Variants in NHSL1 observed in about 807,000 individuals in gnomAD.
NHSL1 encodes NHS like 1, also known as NHS-like protein 1.
Under a neutral mutation model 95.0 loss-of-function variants are expected in NHSL1, and 48 were observed. The observed-to-expected ratio is 0.51, with a 90% CI of 0.40 to 0.64. NHSL1 has a LOEUF of 0.64. Among genes scored for constraint, NHSL1 ranks in the 30% least tolerant of loss-of-function variants. The pLI is 0.00. For missense variants in NHSL1, 1,971 were observed against 2,077.7 expected (o/e 0.95, Z 1.00); for synonymous variants, 783 against 833.9 (o/e 0.94, Z 1.05).
chr6:138,635,596 AAAG>A (rs762997632), intron 1 of NHSL1, among the ~76,000 whole-genome samples: 3 of 152,216 alleles, frequency 2.0e-5, no homozygotes, highest in Non-Finnish European at 2.9e-5. Flanking sequence ...CCAAACATTT[AAAG>A]AAGAACTAAT....
At chr6:138,562,906 A>C (rs1409018000) in intron 1 of NHSL1, among the ~76,000 whole-genome samples, 3 of 152,202 alleles carry the variant, frequency 2.0e-5, no homozygotes, top group Admixed American at 2.0e-4. Context: ...TGCAAAGTGC[A>C]AAGCACTTGA....
rs1261895892 is a variant in NHSL1 at position 138,424,081 on chromosome 6, C to G, written c.4821G>C (p.Ter1607TyrextTer9). Residue 1607 changes from the stop codon to tyrosine (Y), a stop_lost, in exon 8 of 8, where the codon TAG becomes TAC. Transcript: ENST00000343505. This position sits in a 1 kb window ranked among gnomAD's most constrained non-coding sequence, Gnocchi z 5.9. ...ACCTGGGAGAGTTACGTTCTTGGCCCTAACTCTCCTCGCTCAGAGAACCGC... is the reference window on the plus strand; with the variant it reads ...ACCTGGGAGAGTTACGTTCTTGGCCGTAACTCTCCTCGCTCAGAGAACCGC... ...QCGGSLSEES[*>Y] The G allele has an allele frequency of 2.9e-6, 4 of 1,384,824 alleles. No homozygotes were observed. The highest frequency in any genetic ancestry group is 3.7e-6 in the Non-Finnish European group (4 of 1,071,454). The allele number at this position is 1,384,824 out of a possible 1,614,324, so 85.8% of individuals were successfully genotyped here.
At chr6:138,568,971 C>T (rs933575691) in intron 1 of NHSL1, among the ~76,000 whole-genome samples, 1 of 152,130 alleles carries the variant, frequency 6.6e-6, no homozygotes, top group Non-Finnish European at 1.5e-5. Flanking sequence ...CCTTCTGTTT[C>T]AGAAATTGAA....
chr6:138,606,155 C>T (rs1474189172), intron 1 of NHSL1, among the ~76,000 whole-genome samples: 1 of 152,124 alleles, frequency 6.6e-6, no homozygotes, highest in African/African-American at 2.4e-5. Context: ...GAATGACAAG[C>T]CACCCACAAA....
chr6:138,658,168 G>A lies in NHSL1; in HGVS notation c.96+34308C>T, dbSNP rs145790760. Among the ~76,000 whole-genome samples, 341 of 152,074 alleles carry A rather than the reference G, an allele frequency of 2.2e-3. 1 individual carries two copies. The highest frequency in any genetic ancestry group is 7.6e-3 in the African/African-American group (317 of 41,480). ...CCCTCAGCTTTACTGAGGTATAATT[G>A]ACAAATAAAAATTGTATATATTTAA... On this transcript the variant is annotated intron_variant, in intron 1 of 3. Coordinates refer to the NHSL1 transcript ENST00000491526.
At chr6:138,469,966 G>A (rs957452676) in intron 3 of NHSL1, among the ~76,000 whole-genome samples, 12 of 152,094 alleles carry the variant, frequency 7.9e-5, no homozygotes, top group African/African-American at 2.9e-4. Context: ...AAAGAAGGGA[G>A]TGGGGGAGGC....
At chr6:138,565,486 G>A (rs982237123) in intron 1 of NHSL1, among the ~76,000 whole-genome samples, 4 of 152,164 alleles carry the variant, frequency 2.6e-5, no homozygotes, top group African/African-American at 7.2e-5. Context: ...AGTGGAGAAA[G>A]CAAGAGAGGA....
intron 1 of NHSL1, among the ~76,000 whole-genome samples, chr6:138,652,522 A>G (rs569285802): frequency 6.6e-6 from 1 of 152,278 alleles, no homozygotes; most frequent in African/African-American, 2.4e-5. Flanking sequence ...TTTAAAATCT[A>G]GAAAATCATG....
At chr6:138,455,395 T>C (rs1777516235) in intron 3 of NHSL1, among the ~76,000 whole-genome samples, 1 of 152,008 alleles carries the variant, frequency 6.6e-6, no homozygotes, top group African/African-American at 2.4e-5. Flanking sequence ...TGAGGAGGAA[T>C]TGAGGTAACT....
At chr6:138,556,885 G>T (rs1391072244) in intron 1 of NHSL1, among the ~76,000 whole-genome samples, 1 of 152,070 alleles carries the variant, frequency 6.6e-6, no homozygotes, top group Non-Finnish European at 1.5e-5. Context: ...AAATCTGGGG[G>T]ATGCAATTTC....
chr6:138,657,741 G>T (rs1220795086), intron 1 of NHSL1, among the ~76,000 whole-genome samples: 1 of 149,516 alleles, frequency 6.7e-6, no homozygotes, highest in Non-Finnish European at 1.5e-5. Flanking sequence ...TGTGAACCCG[G>T]GAGGCAGAGC....
rs1225019773 is a variant in NHSL1 at position 138,639,641 on chromosome 6, CA to C, written c.96+52834del. Among the ~76,000 whole-genome samples the C allele has an allele frequency of 1.7e-3, 199 of 116,174 alleles. 1 individual carries two copies. Among genetic ancestry groups the C allele is most frequent in the East Asian group, 9.4e-3 (39 of 4,158 alleles). 76.2% of individuals were successfully genotyped at this position (116,174 alleles called of 152,430 possible). A position where few individuals can be genotyped will look rare whatever the true frequency, so the allele number is the denominator to read the frequency against. On this transcript the variant is annotated intron_variant, in intron 1 of 3. Coordinates refer to the NHSL1 transcript ENST00000491526. ...TGGGCAACAGAGTGAGACTCCGTCT[CA>C]AAAAAAAAAAAAAATTAGCTGGGCG...
At chr6:138,523,495 G>C (rs1649443379) in intron 1 of NHSL1, among the ~76,000 whole-genome samples, 1 of 151,762 alleles carries the variant, frequency 6.6e-6, no homozygotes, top group Admixed American at 6.6e-5. Context: ...TTTTTGTCGA[G>C]ACAGGGTCTC....
rs747396126 is a variant in NHSL1 at position 138,432,627 on chromosome 6, G to A, written c.1718C>T (p.Pro573Leu). The A allele has an allele frequency of 1.7e-5, 27 of 1,551,622 alleles. No homozygotes were observed. The highest frequency in any genetic ancestry group is 2.2e-5 in the Non-Finnish European group (25 of 1,146,958). ...ASPLKPHLAT[P>L]GYSTPTSNMS... is the part of the protein sequence containing the mutation. The stretch of plus-strand genomic sequence containing the variant: ...GTTACTTGTGGGAGTGGAATAGCCA[G>A]GAGTTGCTAAATGCGGCTTCAGGGG... The change falls in exon 6 of 8, where the codon CCT (proline) becomes CTT (leucine). Residue 573 changes from proline (P) to leucine (L), a missense_variant. Pro to Leu is a moderately conservative substitution (Grantham distance 98). Around this residue, in one of 3 missense-constraint regions of NHSL1, gnomAD observed 1,602 missense variants for 1,654.5 expected, o/e 0.97. Coordinates refer to ENST00000343505, the MANE Select transcript of NHSL1 (RefSeq NM_001144060.2). The surrounding 1 kb of genome is among the most constrained non-coding windows in gnomAD (Gnocchi z 4.4).
chr6:138,583,019 G>A (rs560078378), intron 1 of NHSL1, among the ~76,000 whole-genome samples: 8 of 152,268 alleles, frequency 5.3e-5, no homozygotes, highest in South Asian at 2.1e-4. Context: ...GGCTGAACTC[G>A]GCTGAAGGTG....
At chr6:138,674,065 T>A (rs1347076696) in intron 1 of NHSL1, among the ~76,000 whole-genome samples, 1 of 152,184 alleles carries the variant, frequency 6.6e-6, no homozygotes, top group Non-Finnish European at 1.5e-5. Context: ...AACTAAGGTA[T>A]GGTATTCAAA....
chr6:138,525,178 C>A lies in NHSL1; in HGVS notation c.16+20445G>T, dbSNP rs553325639. Among the ~76,000 whole-genome samples the A allele has an allele frequency of 2.0e-5, 3 of 152,194 alleles. No individual in the cohort carries two copies. In the South Asian group the frequency reaches 6.2e-4, roughly 32 times the overall value. On this transcript the variant is annotated intron_variant, in intron 1 of 4. Coordinates refer to the NHSL1 transcript ENST00000342260. ...CACTAGTTGAGCTCTAAGTTCGATT[C>A]TGGGTGCAATATTGTGTCATACAGA...
chr6:138,531,870 A>T (rs953704994), intron 1 of NHSL1, among the ~76,000 whole-genome samples: 5 of 151,990 alleles, frequency 3.3e-5, no homozygotes, highest in African/African-American at 9.7e-5. Flanking sequence ...TATATCTTAA[A>T]TTTTTTTCAA....
chr6:138,588,003 G>A (rs1784163275), intron 1 of NHSL1, among the ~76,000 whole-genome samples: 1 of 152,276 alleles, frequency 6.6e-6, no homozygotes, highest in Non-Finnish European at 1.5e-5. Context: ...AAGGTCATGT[G>A]CTAGTGGTGA....
Sources: gnomAD v4.1 joint callset for allele counts (sites outside exome capture counted in the v4.1 genomes callset) on GRCh38, gnomAD v4.1.1 for gene constraint, gnomAD v4.1.1 regional missense constraint, Gnocchi (gnomAD v3.1) non-coding constraint, MANE v1.5 for transcripts, NCBI Gene and HGNC (gene_info 2026-07-23, HGNC 2026-07-21) for gene names.